TTBK2: variants seen among roughly 807,000 people sequenced by gnomAD.
The protein encoded by TTBK2 is tau tubulin kinase 2.
In TTBK2, 28 loss-of-function variants were observed where a neutral mutation model predicts 110.8. The ratio of observed to expected loss-of-function variants is 0.25; its 90% CI spans 0.19 to 0.35. The LOEUF (loss-of-function observed/expected upper bound fraction) is 0.35. Among genes scored for constraint, TTBK2 ranks in the 10% least tolerant of loss-of-function variants. The probability of loss-of-function intolerance (pLI) is 1.00; values close to 1 mark genes in which losing one functional copy is unlikely to be tolerated. For missense variants in TTBK2, 1,369 were observed against 1,500.3 expected (o/e 0.91, Z 1.45); for synonymous variants, 532 against 527.3 (o/e 1.01, Z -0.12).
At position 42,775,677 on chromosome 15, in the gene TTBK2, G is replaced by A; in HGVS notation, c.1456C>T (p.Leu486Phe). 6.2e-7 allele frequency: 1 copy of A among 1,613,288 alleles called. No homozygotes were observed. The highest frequency in any genetic ancestry group is 8.5e-7 in the Non-Finnish European group (1 of 1,179,788). ...KDTSAGKESI[L>F]PALLHKPCVP... ...CAAGGCTTATGCAGCAGAGCAGGGA[G>A]AATAGATTCTTTTCCTGCACTGGTA... The change falls in exon 13 of 15, where the codon CTC becomes TTC. Residue 486 changes from leucine to phenylalanine, a missense_variant. Physicochemically the swap from Leu to Phe is conservative, Grantham distance 22. Transcript: ENST00000267890.
At chr15:42,910,199 CATAGA>C (rs2030664931) in intron 1 of TTBK2, among the ~76,000 whole-genome samples, 1 of 151,336 alleles carries the variant, frequency 6.6e-6, no homozygotes, top group Non-Finnish European at 1.5e-5. Context: ...GAAAGCCAGA[CATAGA>C]ATAGATTAGG....
intron 1 of TTBK2, among the ~76,000 whole-genome samples, chr15:42,910,718 C>G (rs1206790918): frequency 6.6e-6 from 1 of 151,984 alleles, no homozygotes; most frequent in African/African-American, 2.4e-5. Context: ...AATACAAAAA[C>G]AGAAATTAAC....
intron 9 of TTBK2, among the ~76,000 whole-genome samples, chr15:42,804,836 A>G (rs540647016): frequency 6.6e-6 from 1 of 152,320 alleles, no homozygotes; most frequent in Non-Finnish European, 1.5e-5. Context: ...GCTTTCAACT[A>G]CTGGACTCAT....
chr15:42,904,794 G>A (rs542868226), intron 1 of TTBK2, among the ~76,000 whole-genome samples: 1 of 152,148 alleles, frequency 6.6e-6, no homozygotes, highest in Admixed American at 6.5e-5. Flanking sequence ...CCATAACCAA[G>A]TATTGAGCTT....
chr15:42,787,935 C>T (rs141986613), intron 10 of TTBK2, among the ~76,000 whole-genome samples: 13 of 152,008 alleles, frequency 8.6e-5, no homozygotes, highest in Non-Finnish European at 1.8e-4. Context: ...TAGCCTATTA[C>T]GTGCCTAGGC....
rs150697782 is a variant in TTBK2 at position 42,754,890 on chromosome 15, C to G, written c.1999-1643G>C. Among the ~76,000 whole-genome samples, 359 of 150,694 alleles carry G rather than the reference C, an allele frequency of 2.4e-3. 5 individuals carry two copies. The highest frequency in any genetic ancestry group is 0.014 in the South Asian group (66 of 4,732). On this transcript the variant is annotated intron_variant, in intron 13 of 14. Transcript: ENST00000267890. Reference sequence around the variant, plus strand: ...GGGCGTGGTGGCACATGCCTGTAATCCCAGATACTCAGGAGGCTGAGGCAG... The same window carrying G: ...GGGCGTGGTGGCACATGCCTGTAATGCCAGATACTCAGGAGGCTGAGGCAG...
At chr15:42,885,999 G>A (rs1895228819) in intron 1 of TTBK2, among the ~76,000 whole-genome samples, 1 of 152,110 alleles carries the variant, frequency 6.6e-6, no homozygotes. Context: ...CAAAAAATGG[G>A]CAAATGGTCT....
intron 9 of TTBK2, among the ~76,000 whole-genome samples, chr15:42,810,373 T>C (rs1327662469): frequency 6.6e-6 from 1 of 152,204 alleles, no homozygotes; most frequent in African/African-American, 2.4e-5. Context: ...GAAAATCTGT[T>C]GCAAGATGAA....
chr15:42,881,282 C>CAAAAAA (rs10717895), intron 1 of TTBK2, among the ~76,000 whole-genome samples: 121 of 43,324 alleles, frequency 2.8e-3, no homozygotes, highest in East Asian at 4.3e-3. Context: ...GCTTCCGTCT[C>CAAAAAA]AAAAAAAAAA....
At chr15:42,828,062 A>T (rs1462313531) in intron 5 of TTBK2, 30 bp from the exon 6 acceptor site, 1 of 1,481,578 alleles carries the variant, frequency 6.7e-7, no homozygotes, top group Non-Finnish European at 9.4e-7. Flanking sequence ...AAATATATAC[A>T]TTCTTATAAT....
chr15:42,747,760 A>G (rs1353667308), intron 14 of TTBK2, among the ~76,000 whole-genome samples: 1 of 152,218 alleles, frequency 6.6e-6, no homozygotes, highest in African/African-American at 2.4e-5. Context: ...GGCCCCTCTA[A>G]TAATAAAACT....
At chr15:42,777,967 C>G (rs1252600882) in intron 11 of TTBK2, among the ~76,000 whole-genome samples, 1 of 151,708 alleles carries the variant, frequency 6.6e-6, no homozygotes, top group Non-Finnish European at 1.5e-5. Context: ...GAAAGTTTCC[C>G]CAAACCCCAA....
At chr15:42,825,233 G>C (rs1228072706) in intron 6 of TTBK2, among the ~76,000 whole-genome samples, 1 of 152,030 alleles carries the variant, frequency 6.6e-6, no homozygotes, top group African/African-American at 2.4e-5. Flanking sequence ...AAACATGAAG[G>C]CCTGTCATGG....
At chr15:42,846,705 G>A (rs903096379) in intron 3 of TTBK2, among the ~76,000 whole-genome samples, 4 of 152,158 alleles carry the variant, frequency 2.6e-5, no homozygotes, top group Non-Finnish European at 5.9e-5. Context: ...TGTTAATCAG[G>A]TAACTTGGAC....
chr15:42,817,190 C>T (rs1250113854), intron 6 of TTBK2, 93 bp from the exon 7 acceptor site: 7 of 856,300 alleles, frequency 8.2e-6, no homozygotes, highest in Non-Finnish European at 1.2e-5. Context: ...AGAAACACGT[C>T]CTTTATTGTC....
chr15:42,801,771 C>T lies in TTBK2; in HGVS notation c.823-6970G>A, dbSNP rs1323026266. 6.1e-6 allele frequency: 5 copies of T among 819,686 alleles called. No individual in the cohort carries two copies. In the African/African-American group the frequency reaches 8.3e-5, roughly 14 times the overall value. The allele number at this position is 819,686 out of a possible 1,614,324, so 50.8% of individuals were successfully genotyped here. A position where few individuals can be genotyped will look rare whatever the true frequency, so the allele number is the denominator to read the frequency against. On this transcript the variant is annotated intron_variant, in intron 9 of 14. Coordinates refer to ENST00000267890, the MANE Select transcript of TTBK2 (RefSeq NM_173500.4). ...AGCTGATCTTGGCAGTCAGCTCTTT[C>T]AGGGAAGACTCCAGCTCCATCTTGT...
intron 4 of TTBK2, among the ~76,000 whole-genome samples, chr15:42,840,158 G>T (rs982186596): frequency 2.0e-5 from 3 of 152,138 alleles, no homozygotes; most frequent in African/African-American, 7.2e-5. Flanking sequence ...AAAGATACAG[G>T]TCAACTCAAA....
Position 42,752,385 on chromosome 15 carries a change from G to A in TTBK2, c.2861C>T (p.Ser954Leu), listed in dbSNP as rs2061878097. Residue 954 changes from serine (S) to leucine (L), a missense_variant, in exon 14 of 15, where the codon TCA becomes TTA. Transcript: ENST00000267890. ...RIPVLAQEID[S>L]TLESSSPVSA... Reference sequence around the variant, plus strand: ...AACTGGAGAGGATGATTCCAAAGTTGAGTCTATCTCTTGTGCTAAAACAGG... The same window carrying A: ...AACTGGAGAGGATGATTCCAAAGTTAAGTCTATCTCTTGTGCTAAAACAGG... 6.2e-7 allele frequency: 1 copy of A among 1,614,082 alleles called. No individual in the cohort carries two copies. The highest frequency in any genetic ancestry group is 8.5e-7 in the Non-Finnish European group (1 of 1,180,046).
At chr15:42,772,117 G>A (rs899632074) in intron 13 of TTBK2, among the ~76,000 whole-genome samples, 2 of 151,954 alleles carry the variant, frequency 1.3e-5, no homozygotes, top group Non-Finnish European at 1.5e-5. Context: ...ATTGTACAGC[G>A]TTGGTCTTTG....
Sources: allele counts gnomAD v4.1 joint callset (sites outside exome capture counted in the v4.1 genomes callset), GRCh38; gene constraint gnomAD v4.1.1; transcripts MANE v1.5; gene names NCBI Gene and HGNC (gene_info 2026-07-23, HGNC 2026-07-21).